The following CTNNA3 variants were observed in gnomAD, a reference collection of about 807,000 sequenced individuals.
CTNNA3 encodes catenin alpha 3, also known as catenin alpha-3.
Under a neutral mutation model 95.7 loss-of-function variants are expected in CTNNA3, and 76 were observed. The observed-to-expected ratio is 0.79, with a 90% CI of 0.66 to 0.96. The LOEUF (loss-of-function observed/expected upper bound fraction) is 0.96, where lower values mean the gene tolerates loss of function less well. CTNNA3 is among the 40% of genes least tolerant of loss of function. The probability of loss-of-function intolerance (pLI) is 0.00; values close to 1 mark genes in which losing one functional copy is unlikely to be tolerated. For missense variants in CTNNA3, 1,191 were observed against 1,089.8 expected, an observed-to-expected ratio of 1.09 and a Z score of -1.31; for synonymous variants, 431 against 374.4, an observed-to-expected ratio of 1.15 and a Z score of -1.74.
chr10:67,283,210 T>C (rs1219913481), intron 5 of CTNNA3, among the ~76,000 whole-genome samples: 1 of 152,144 alleles, frequency 6.6e-6, no homozygotes, highest in East Asian at 1.9e-4. Flanking sequence ...ACCAGGAATG[T>C]CAGGCAACCA....
chr10:66,323,129 C>T (rs1167649197), intron 12 of CTNNA3, among the ~76,000 whole-genome samples: 1 of 151,720 alleles, frequency 6.6e-6, no homozygotes, highest in Non-Finnish European at 1.5e-5. Context: ...ATTACGGGGT[C>T]CCTTTTAAAA....
At chr10:66,200,011 G>C (rs2087290079) in intron 13 of CTNNA3, among the ~76,000 whole-genome samples, 1 of 150,206 alleles carries the variant, frequency 6.7e-6, no homozygotes, top group African/African-American at 2.5e-5. Context: ...GTAGCGTTCA[G>C]ATAAATGGCA....
At chr10:67,755,778 G>A (rs1401579150) in intron 1 of CTNNA3, among the ~76,000 whole-genome samples, 1 of 142,198 alleles carries the variant, frequency 7.0e-6, no homozygotes, top group East Asian at 2.0e-4. Context: ...CTCCAGCCTG[G>A]GCGACAAAAG....
chr10:66,993,257 G>A (rs1851141077), intron 7 of CTNNA3, among the ~76,000 whole-genome samples: 1 of 152,110 alleles, frequency 6.6e-6, no homozygotes, highest in South Asian at 2.1e-4. Flanking sequence ...TGGGATCCAA[G>A]AAGAAATATT....
chr10:67,059,026 T>G (rs1855604903), intron 7 of CTNNA3, among the ~76,000 whole-genome samples: 1 of 152,214 alleles, frequency 6.6e-6, no homozygotes, highest in Non-Finnish European at 1.5e-5. Flanking sequence ...TAATGCAGCC[T>G]TCTAAGAAGG....
At chr10:66,801,960 T>C (rs1162067720) in intron 7 of CTNNA3, among the ~76,000 whole-genome samples, 2 of 151,736 alleles carry the variant, frequency 1.3e-5, no homozygotes, top group Non-Finnish European at 3.0e-5. Flanking sequence ...ACATGGTTAA[T>C]AAATATTTAC....
chr10:67,155,272 A>G (rs1827568229), intron 7 of CTNNA3, among the ~76,000 whole-genome samples: 1 of 152,212 alleles, frequency 6.6e-6, no homozygotes, highest in Non-Finnish European at 1.5e-5. Context: ...AAAGAGCAGA[A>G]GCTCTAGAGT....
rs1554883914 is a variant in CTNNA3 at position 66,189,617 on chromosome 10, TAC to T, written c.1885-86370_1885-86369del. ...CTATAGATTTATATATATATATATATACACACATACACACACATATACATATA... is the reference window on the plus strand; with the variant it reads ...CTATAGATTTATATATATATATATATACACATACACACACATATACATATA... On this transcript the variant is annotated intron_variant, in intron 13 of 17. Coordinates refer to ENST00000433211, the MANE Select transcript of CTNNA3 (RefSeq NM_013266.4). Among the ~76,000 whole-genome samples the T allele has an allele frequency of 5.5e-3, 774 of 140,334 alleles. 38 individuals are homozygous for T. The highest frequency in any genetic ancestry group is 0.021 in the African/African-American group (728 of 35,170). 92.1% of individuals were successfully genotyped at this position (140,334 alleles called of 152,430 possible). A position where few individuals can be genotyped will look rare whatever the true frequency, so the allele number is the denominator to read the frequency against.
At chr10:66,827,522 G>T (rs572887204) in intron 7 of CTNNA3, among the ~76,000 whole-genome samples, 4 of 152,240 alleles carry the variant, frequency 2.6e-5, no homozygotes, top group South Asian at 4.1e-4. Flanking sequence ...AGTGGAAAAA[G>T]TCTCGTAATT....
chr10:66,828,801 C>A (rs1160857775), intron 7 of CTNNA3, among the ~76,000 whole-genome samples: 1 of 152,152 alleles, frequency 6.6e-6, no homozygotes, highest in Non-Finnish European at 1.5e-5. Flanking sequence ...AGATAATTCA[C>A]AAGATTGATT....
At chr10:67,194,608 T>C (rs1177039097) in intron 6 of CTNNA3, among the ~76,000 whole-genome samples, 1 of 151,168 alleles carries the variant, frequency 6.6e-6, no homozygotes, top group African/African-American at 2.4e-5. Context: ...TTTAAAGCAG[T>C]AAAAATACTC....
chr10:66,327,543 A>T (rs2092269703), intron 12 of CTNNA3, among the ~76,000 whole-genome samples: 1 of 152,056 alleles, frequency 6.6e-6, no homozygotes, highest in Admixed American at 6.5e-5. Context: ...TTCATTGTAC[A>T]TGTGGCATAT....
chr10:66,794,854 T>G (rs1458969024), intron 7 of CTNNA3, among the ~76,000 whole-genome samples: 1 of 146,434 alleles, frequency 6.8e-6, no homozygotes, highest in Non-Finnish European at 1.5e-5. Context: ...GTTCAAAGCA[T>G]CTCCACCAGG....
At chr10:66,237,875 CAAT>C (rs2089931323) in intron 13 of CTNNA3, among the ~76,000 whole-genome samples, 1 of 152,020 alleles carries the variant, frequency 6.6e-6, no homozygotes, top group South Asian at 2.1e-4. Context: ...TCATTTATTA[CAAT>C]GAGTTATTTT....
chr10:67,194,890 A>T (rs1196764887), intron 6 of CTNNA3, among the ~76,000 whole-genome samples: 4 of 152,010 alleles, frequency 2.6e-5, no homozygotes, highest in African/African-American at 9.7e-5. Context: ...AAGTCTTAAA[A>T]ATAAGAAAAA....
chr10:67,121,124 A>T (rs1859443519), intron 7 of CTNNA3, among the ~76,000 whole-genome samples: 1 of 152,074 alleles, frequency 6.6e-6, no homozygotes, highest in South Asian at 2.1e-4. Flanking sequence ...CTAAATTTTT[A>T]AACTAATAAT....
At chr10:66,762,118 A>G (rs1839623313) in intron 9 of CTNNA3, among the ~76,000 whole-genome samples, 1 of 152,176 alleles carries the variant, frequency 6.6e-6, no homozygotes, top group Admixed American at 6.5e-5. Context: ...ACTAATGAAT[A>G]TTTTTATTTT....
chr10:67,576,144 C>A (rs1400055484), intron 3 of CTNNA3, among the ~76,000 whole-genome samples: 3 of 151,592 alleles, frequency 2.0e-5, no homozygotes, highest in Non-Finnish European at 4.4e-5. Flanking sequence ...AGTTCTTAAG[C>A]AGCCAAGTGT....
intron 17 of CTNNA3, among the ~76,000 whole-genome samples, chr10:65,945,304 G>A (rs944304676): frequency 2.0e-5 from 3 of 152,130 alleles, no homozygotes; most frequent in Admixed American, 6.5e-5. Flanking sequence ...AAGCAGTCTG[G>A]CGATGACACA....
Sources: gnomAD v4.1 joint callset for allele counts (sites outside exome capture counted in the v4.1 genomes callset) on GRCh38, gnomAD v4.1.1 for gene constraint, MANE v1.5 for transcripts, NCBI Gene and HGNC (gene_info 2026-07-23, HGNC 2026-07-21) for gene names.